CD177: variants seen among roughly 807,000 people sequenced by gnomAD.
CD177 encodes the protein CD177 antigen.
CD177 carries 41 observed loss-of-function variants against 38.1 expected under a neutral mutation model. That is an observed-to-expected ratio of 1.07 (90% CI 0.84 to 1.39). The LOEUF (loss-of-function observed/expected upper bound fraction) is 1.39, where lower values mean the gene tolerates loss of function less well. Ranked by LOEUF, CD177 falls within the 40% of genes most tolerant of loss-of-function variation. CD177 has a pLI of 0.00. For missense variants in CD177, 619 were observed against 523.8 expected (o/e 1.18, Z -1.77); for synonymous variants, 236 against 216.7 (o/e 1.09, Z -0.78).
At chr19:43,355,438 G>A (rs1568443686) in intron 3 of CD177, 1 of 523,952 alleles carries the variant, frequency 1.9e-6, no homozygotes, top group Non-Finnish European at 3.7e-6. Context: ...CCCAGCCCTG[G>A]GTGCCTCTAC....
chr19:43,354,191 C>G lies in CD177; in HGVS notation c.194-16C>G. The G allele has an allele frequency of 6.2e-7, 1 of 1,608,192 alleles. No homozygotes were observed. The highest frequency in any genetic ancestry group is 8.5e-7 in the Non-Finnish European group (1 of 1,177,512). On this transcript the variant is annotated splice_polypyrimidine_tract_variant and intron_variant, in intron 2 of 8. Coordinates refer to ENST00000618265, the MANE Select transcript of CD177 (RefSeq NM_020406.4). ...GCCTGACCTCCATCCTCGCTTGCCT[C>G]CCTCTTTCGGTCCAGGACCCCAAGT...
chr19:43,353,690 A>G lies in CD177; in HGVS notation c.-25A>G, dbSNP rs752189037. On this transcript the variant is annotated 5_prime_UTR_variant, in exon 1 of 9. Coordinates refer to ENST00000618265, the MANE Select transcript of CD177 (RefSeq NM_020406.4). ...CTTGTTTCCTGCTGAAAAAGCAGAA[A>G]GAGATTACCAGCCACAGACGGGTCA... The G allele has an allele frequency of 1.3e-5, 21 of 1,613,602 alleles. No individual in the cohort carries two copies. The African/African-American group carries it at 2.4e-4, about 18-fold the overall frequency.
chr19:43,361,802 T>G (rs1027406056), intron 8 of CD177, among the ~76,000 whole-genome samples: 217 of 38,220 alleles, frequency 5.7e-3, no homozygotes, highest in African/African-American at 6.3e-3. Flanking sequence ...AGGGGCTGGG[T>G]GCCTGGACTC....
Position 43,362,020 on chromosome 19 carries a change from G to A in CD177, c.1082-68G>A, listed in dbSNP as rs1969976499. ...CTGAGGGAGGAGGGTCTGGGGCCTG[G>A]ACTCCTGGGTTTACAACTTGGCTGG... On this transcript the variant is annotated intron_variant, in intron 8 of 8. Transcript: ENST00000618265. The A allele has an allele frequency of 2.9e-6, 4 of 1,376,944 alleles. No homozygotes were observed. The South Asian group carries it at 3.7e-5, about 13-fold the overall frequency. The allele number at this position is 1,376,944 out of a possible 1,614,324, so 85.3% of individuals were successfully genotyped here.
In CD177 at chr19:43,360,365, G is replaced by T. The variant is rs753749657; in HGVS notation, c.720G>T (p.Val240=). The change falls in exon 6 of 9, where the codon GTG becomes GTT. Residue 240 remains valine (V), a synonymous_variant. Coordinates refer to ENST00000618265, the MANE Select transcript of CD177 (RefSeq NM_020406.4). ...CATCGAATACCGAGATGTGCGAGGT[G>T]GGGCAGGTGTGTCAGGAGACGCTGC... The part of the protein sequence containing the change: ...WTTSNTEMCE[V]GQVCQETLLL... 3 of 1,609,576 alleles carry T rather than the reference G, an allele frequency of 1.9e-6. No homozygotes were observed. In the South Asian group the frequency reaches 3.3e-5, roughly 18 times the overall value.
At chr19:43,354,089 T>A in intron 2 of CD177, 96 bp downstream of exon 2, 1 of 1,565,942 alleles carries the variant, frequency 6.4e-7, no homozygotes, top group Admixed American at 1.8e-5. Context: ...GGGGATCGAC[T>A]CCTAGGGTCC....
At position 43,360,269 on chromosome 19, in the gene CD177, T is replaced by C; in HGVS notation, c.624T>C (p.Phe208=). The change falls in exon 6 of 9, where the codon TTT becomes TTC. Residue 208 remains phenylalanine (F), a synonymous_variant. Transcript: ENST00000618265. ...CCCTGGGATTCCTCTCCCCAGATTT[T>C]CTGACCTGTCATCGGGGGACCACCA... ...GMTENCDMKD[F]LTCHRGTTIM... is the part of the protein sequence containing the mutation. 6.2e-7 allele frequency: 1 copy of C among 1,613,164 alleles called. No individual in the cohort carries two copies.
intron 2 of CD177, 103 bp downstream of exon 2, chr19:43,354,096 G>A: frequency 2.6e-6 from 4 of 1,564,434 alleles, no homozygotes; most frequent in Non-Finnish European, 2.6e-6. Flanking sequence ...GACTCCTAGG[G>A]TCCCGGTGAT....
intron 3 of CD177, 22 bp downstream of exon 3, chr19:43,354,414 G>A (rs887367353): frequency 2.5e-6 from 4 of 1,612,358 alleles, no homozygotes; most frequent in Non-Finnish European, 3.4e-6. Flanking sequence ...AGGGTCGGGA[G>A]GAGAGGGAGG....
intron 8 of CD177, 49 bp downstream of exon 8, chr19:43,361,628 A>G (rs1453145415): frequency 1.4e-5 from 22 of 1,538,916 alleles, no homozygotes; most frequent in East Asian, 7.4e-5. Flanking sequence ...GGTGGCCTGG[A>G]CTCCTGGGTC....
rs1311884896 is a variant in CD177 at position 43,354,327 on chromosome 19, G to T, written c.314G>T (p.Arg105Leu). ...CTGATCTCCTACACCTTCGTGTGCC[G>T]CCAGGAGGACTTCTGCAACAACCTC... ...LSLISYTFVCRQEDFCNNLVN... is the reference protein window; with the variant it reads ...LSLISYTFVCLQEDFCNNLVN... Residue 105 changes from arginine (R) to leucine (L), a missense_variant, in exon 3 of 9, where the codon CGC becomes CTC. Arg to Leu is a moderately radical substitution (Grantham distance 102, BLOSUM62 -2). Transcript: ENST00000618265. 1.1e-5 allele frequency: 18 copies of T among 1,613,884 alleles called. No individual in the cohort carries two copies. The highest frequency in any genetic ancestry group is 3.3e-4 in the Middle Eastern group (2 of 6,062).
intron 3 of CD177, among the ~76,000 whole-genome samples, chr19:43,354,890 C>T (rs1232981818): frequency 1.3e-5 from 2 of 151,930 alleles, no homozygotes; most frequent in South Asian, 4.2e-4. Context: ...GGTTTAGTAG[C>T]GCTTGCAGGT....
chr19:43,362,206 T>A lies in CD177; in HGVS notation c.1200T>A (p.Pro400=). ...FSAREKRDVQ[P]PASQHEGGGA... ...CGCGTGAGAAGCGTGATGTGCAGCC[T>A]CCTGCCTCTCAGCATGAGGGAGGTG... is the stretch of plus-strand genomic sequence containing the variant. Residue 400 remains proline, a synonymous_variant, in exon 9 of 9, where the codon CCT becomes CCA. Transcript: ENST00000618265. 1.2e-6 allele frequency: 2 copies of A among 1,612,132 alleles called. No individual in the cohort carries two copies. Among genetic ancestry groups the A allele is most frequent in the Non-Finnish European group, 1.7e-6 (2 of 1,178,886 alleles).
In CD177 at chr19:43,361,233, G is replaced by A; in HGVS notation, c.851G>A (p.Gly284Glu). 6.5e-7 allele frequency: 1 copy of A among 1,534,788 alleles called. No individual in the cohort carries two copies. ...ACCACCATCCACTCAGCCCCTCCTG[G>A]GGTGCTTGTGGCCTCCTATACCCAC... is the stretch of plus-strand genomic sequence containing the variant. ...QKTTIHSAPP[G>E]VLVASYTHFC... is the part of the protein sequence containing the mutation. The change falls in exon 7 of 9, where the codon GGG (glycine) becomes GAG (glutamate). Residue 284 changes from glycine (G) to glutamate (E), a missense_variant. Gly to Glu is a moderately conservative substitution (Grantham distance 98). Transcript: ENST00000618265.
chr19:43,361,861 A>G (rs1599879265), intron 8 of CD177, among the ~76,000 whole-genome samples: 1 of 85,634 alleles, frequency 1.2e-5, no homozygotes, highest in Admixed American at 1.5e-4. Flanking sequence ...GGGTCTGAGG[A>G]GCTGAGGCTC....
downstream of CD177, among the ~76,000 whole-genome samples, chr19:43,365,886 G>T (rs1970022290): frequency 6.6e-6 from 1 of 152,174 alleles, no homozygotes; most frequent in South Asian, 2.1e-4. Context: ...CTGACCCCAT[G>T]CTCAGCTGTC....
rs750906870 is a variant in CD177, at chr19:43,361,565, T to C, written c.1067T>C (p.Ile356Thr). The change falls in exon 8 of 9, where the codon ATT becomes ACT. Residue 356 changes from isoleucine (I) to threonine (T), a missense_variant. Coordinates refer to ENST00000618265, the MANE Select transcript of CD177 (RefSeq NM_020406.4). ...GCCACTCATTGTTATGATGGGTACA[T>C]TCATCTCTCAGGAGGTGAGTGCTGC... The part of the protein sequence containing the change: ...RGATHCYDGY[I>T]HLSGGGLSTK... The C allele has an allele frequency of 1.8e-5, 28 of 1,570,616 alleles. No individual in the cohort carries two copies. Among genetic ancestry groups the C allele is most frequent in the Non-Finnish European group, 1.8e-5 (21 of 1,156,194 alleles).
Position 43,360,291 on chromosome 19 carries a change from A to T in CD177, c.646A>T (p.Thr216Ser). 6.2e-7 allele frequency: 1 copy of T among 1,613,304 alleles called. No individual in the cohort carries two copies. The highest frequency in any genetic ancestry group is 8.5e-7 in the Non-Finnish European group (1 of 1,179,680). Residue 216 changes from threonine (T) to serine (S), a missense_variant, in exon 6 of 9, where the codon ACC (threonine) becomes TCC (serine). Physicochemically the swap from Thr to Ser is moderately conservative, Grantham distance 58. Coordinates refer to ENST00000618265, the MANE Select transcript of CD177 (RefSeq NM_020406.4). The stretch of plus-strand genomic sequence containing the variant: ...TTTTCTGACCTGTCATCGGGGGACC[A>T]CCATTATGACACACGGAAACTTGGC... ...KDFLTCHRGT[T>S]IMTHGNLAQE...
rs1395178872 is a variant in CD177, at chr19:43,362,692, C to G, written c.*372C>G. ...CATCTAAAGCCTGCCCTTCATTGGT[C>G]TGGTTCACGTCTCCAAACCAGCTTG... On this transcript the variant is annotated 3_prime_UTR_variant, in exon 9 of 9. Coordinates refer to ENST00000618265, the MANE Select transcript of CD177 (RefSeq NM_020406.4). 6.2e-6 allele frequency: 1 copy of G among 162,462 alleles called. No individual in the cohort carries two copies. The highest frequency in any genetic ancestry group is 1.3e-5 in the Non-Finnish European group (1 of 74,998). 10.1% of individuals were successfully genotyped at this position (162,462 alleles called of 1,614,324 possible).
Sources: allele counts gnomAD v4.1 joint callset (sites outside exome capture counted in the v4.1 genomes callset), GRCh38; gene constraint gnomAD v4.1.1; transcripts MANE v1.5; gene names NCBI Gene and HGNC (gene_info 2026-07-23, HGNC 2026-07-21).